The following KHDRBS2 variants were observed in gnomAD, a reference collection of about 807,000 sequenced individuals.
KHDRBS2 encodes KH domain-containing, RNA-binding, signal transduction-associated protein 2.
KHDRBS2 carries 26 observed loss-of-function variants against 44.3 expected under a neutral mutation model. That is an observed-to-expected ratio of 0.59 (90% CI 0.43 to 0.81). The LOEUF (loss-of-function observed/expected upper bound fraction) is 0.81, where lower values mean the gene tolerates loss of function less well. Among genes scored for constraint, KHDRBS2 ranks in the 40% least tolerant of loss-of-function variants. KHDRBS2 has a pLI of 0.00. For synonymous variants in KHDRBS2, 194 were observed against 151.1 expected (o/e 1.28, Z -2.08); for missense variants, 476 against 433.1 (o/e 1.10, Z -0.88).
intron 2 of KHDRBS2, among the ~76,000 whole-genome samples, chr6:62,095,093 A>T (rs553117523): frequency 6.6e-6 from 1 of 151,772 alleles, no homozygotes; most frequent in African/African-American, 2.4e-5. Flanking sequence ...CTCTGTTTCT[A>T]TGAAGAATGC....
chr6:61,769,290 A>G (rs557101254), intron 6 of KHDRBS2, among the ~76,000 whole-genome samples: 1 of 152,148 alleles, frequency 6.6e-6, no homozygotes, highest in East Asian at 2.0e-4. Flanking sequence ...GGTTCATCTC[A>G]CTGGAGAGTG....
chr6:62,201,826 C>A (rs1827055292), intron 1 of KHDRBS2, among the ~76,000 whole-genome samples: 2 of 152,006 alleles, frequency 1.3e-5, no homozygotes, highest in African/African-American at 4.8e-5. Flanking sequence ...AGACTATTGA[C>A]ATGACAATAG....
chr6:61,755,457 G>C (rs1778351739), intron 6 of KHDRBS2, among the ~76,000 whole-genome samples: 1 of 152,020 alleles, frequency 6.6e-6, no homozygotes. Context: ...TCAGAAAATT[G>C]AACTGCCATG....
At chr6:61,750,676 T>C (rs926443060) in intron 6 of KHDRBS2, among the ~76,000 whole-genome samples, 1 of 152,098 alleles carries the variant, frequency 6.6e-6, no homozygotes, top group African/African-American at 2.4e-5. Flanking sequence ...GTTTTCAACT[T>C]TCTTTGTTTC....
chr6:62,068,593 C>T (rs1476938067), intron 2 of KHDRBS2, among the ~76,000 whole-genome samples: 1 of 151,418 alleles, frequency 6.6e-6, no homozygotes, highest in Non-Finnish European at 1.5e-5. Context: ...CCTAGATTTA[C>T]TCCTATGATT....
At chr6:62,147,748 T>C (rs1369656710) in intron 2 of KHDRBS2, among the ~76,000 whole-genome samples, 1 of 151,990 alleles carries the variant, frequency 6.6e-6, no homozygotes, top group African/African-American at 2.4e-5. Context: ...AGAAGGGCCG[T>C]GTATGTATGT....
At chr6:61,686,987 T>C (rs905457859) in intron 8 of KHDRBS2, among the ~76,000 whole-genome samples, 8 of 151,672 alleles carry the variant, frequency 5.3e-5, no homozygotes, top group African/African-American at 1.9e-4. Context: ...AAATCCAAAG[T>C]GGAATGCAGA....
chr6:62,107,534 A>T (rs1281931787), intron 2 of KHDRBS2, among the ~76,000 whole-genome samples: 1 of 152,194 alleles, frequency 6.6e-6, no homozygotes, highest in Non-Finnish European at 1.5e-5. Flanking sequence ...AAATTTATAG[A>T]TTCAATGCCA....
Position 61,897,695 on chromosome 6 carries a change from C to T in KHDRBS2, c.612-2862G>A, listed in dbSNP as rs543464405. On this transcript the variant is annotated intron_variant, in intron 5 of 8. Transcript: ENST00000281156. ...TCTCATTGGCTCCCCTGCCATAAGACGGTTTCTCTGTCTCTGTCTCTCTCT... is the reference window on the plus strand; with the variant it reads ...TCTCATTGGCTCCCCTGCCATAAGATGGTTTCTCTGTCTCTGTCTCTCTCT... Among the ~76,000 whole-genome samples, 7 of 148,034 alleles carry T rather than the reference C, an allele frequency of 4.7e-5. 1 individual carries two copies. The highest frequency in any genetic ancestry group is 3.6e-3 in the Middle Eastern group (1 of 280).
intron 2 of KHDRBS2, among the ~76,000 whole-genome samples, chr6:62,097,918 G>C (rs1800980164): frequency 1.3e-5 from 2 of 151,840 alleles, no homozygotes. Flanking sequence ...GTTATCATAA[G>C]TCTTACCAAA....
intron 2 of KHDRBS2, among the ~76,000 whole-genome samples, chr6:62,127,922 C>T (rs1490026790): frequency 6.6e-6 from 1 of 152,064 alleles, no homozygotes; most frequent in African/African-American, 2.4e-5. Context: ...TAACATCTGC[C>T]AGGGACCATG....
the KHDRBS2 span, among the ~76,000 whole-genome samples, chr6:61,647,149 T>C: frequency 6.6e-6 from 1 of 152,148 alleles, no homozygotes. Context: ...ATGCAATTGA[T>C]CTTTATCGTC....
At chr6:62,179,926 GACTAATAGATCAAT>G in intron 1 of KHDRBS2, among the ~76,000 whole-genome samples, 1 of 151,830 alleles carries the variant, frequency 6.6e-6, no homozygotes, top group Admixed American at 6.6e-5. Context: ...ATATCTCCAT[GACTAATAGATCAAT>G]ACTTGTATTT....
At chr6:62,082,179 C>A (rs767317034) in intron 2 of KHDRBS2, among the ~76,000 whole-genome samples, 32 of 152,030 alleles carry the variant, frequency 2.1e-4, no homozygotes, top group Admixed American at 1.2e-3. Flanking sequence ...TGGATTACTG[C>A]CCAGTTAATC....
At chr6:61,954,675 C>T (rs1765782914) in intron 4 of KHDRBS2, among the ~76,000 whole-genome samples, 1 of 125,576 alleles carries the variant, frequency 8.0e-6, no homozygotes, top group South Asian at 2.4e-4. Context: ...TGTATATACA[C>T]ATACATACTT....
rs536950530 is a variant in KHDRBS2, at chr6:62,086,486, T to C, written c.220-38492A>G. Among the ~76,000 whole-genome samples, 18 of 152,284 alleles carry C rather than the reference T, an allele frequency of 1.2e-4. No homozygotes were observed. In the South Asian group the frequency reaches 3.5e-3, roughly 30 times the overall value. ...AAGAAATCTGAGAATATTGTGAAAG[T>C]GGAGGCAGTGGTGGTGGCATAGTGT... On this transcript the variant is annotated intron_variant, in intron 2 of 8. Coordinates refer to ENST00000281156, the MANE Select transcript of KHDRBS2 (RefSeq NM_152688.4).
In KHDRBS2 at chr6:62,286,031, C is replaced by G. The variant is rs1287990742; in HGVS notation, c.-83G>C. On this transcript the variant is annotated 5_prime_UTR_variant, in exon 1 of 9. Transcript: ENST00000281156. ...GGCAGGGTCTTGGGGCAGCGCCTGGCTCCCGCGCTGCTCCTCCTCCGCGCG... is the reference window on the plus strand; with the variant it reads ...GGCAGGGTCTTGGGGCAGCGCCTGGGTCCCGCGCTGCTCCTCCTCCGCGCG... 7.4e-6 allele frequency: 6 copies of G among 807,494 alleles called. No individual in the cohort carries two copies. The highest frequency in any genetic ancestry group is 2.0e-5 in the Admixed American group (1 of 49,420). The allele number at this position is 807,494 out of a possible 1,614,324, so 50.0% of individuals were successfully genotyped here.
At chr6:62,207,712 T>G (rs1208721016) in intron 1 of KHDRBS2, among the ~76,000 whole-genome samples, 3 of 152,194 alleles carry the variant, frequency 2.0e-5, no homozygotes, top group Admixed American at 6.5e-5. Context: ...TGGCTAAACC[T>G]AATGTCATCT....
chr6:62,257,761 A>C lies in KHDRBS2; in HGVS notation c.91+28097T>G, dbSNP rs112761087. Among the ~76,000 whole-genome samples the C allele has an allele frequency of 1.3e-3, 201 of 152,128 alleles. 1 individual carries two copies. Among genetic ancestry groups the C allele is most frequent in the African/African-American group, 4.5e-3 (187 of 41,548 alleles). The stretch of plus-strand genomic sequence containing the variant: ...TTTAAGAGTTTTAAACCTATCACTC[A>C]ACCTGCTTCCCAATAAGATTTTATT... On this transcript the variant is annotated intron_variant, in intron 1 of 8. Transcript: ENST00000281156.
Sources: gnomAD v4.1 joint callset for allele counts (sites outside exome capture counted in the v4.1 genomes callset) on GRCh38, gnomAD v4.1.1 for gene constraint, MANE v1.5 for transcripts, NCBI Gene and HGNC (gene_info 2026-07-23, HGNC 2026-07-21) for gene names.